The following INTU variants were observed in gnomAD, a reference collection of about 807,000 sequenced individuals.
The protein encoded by INTU is inturned planar cell polarity protein, also known as protein inturned.
In INTU, 68 loss-of-function variants were observed where a neutral mutation model predicts 100.5. That is an observed-to-expected ratio of 0.68 (90% CI 0.56 to 0.83). INTU has a LOEUF of 0.83. Among genes scored for constraint, INTU ranks in the 40% least tolerant of loss-of-function variants. The pLI is 0.00. For synonymous variants in INTU, 357 were observed against 395.7 expected (o/e 0.90, Z 1.16); for missense variants, 1,071 against 1,114.7 (o/e 0.96, Z 0.56).
intron 15 of INTU, among the ~76,000 whole-genome samples, chr4:127,714,767 G>A (rs973194254): frequency 2.0e-5 from 3 of 151,930 alleles, no homozygotes. Flanking sequence ...AGCTTCATGA[G>A]GTCAGGAATT....
intron 2 of INTU, among the ~76,000 whole-genome samples, chr4:127,651,688 C>T (rs62334027): frequency 6.6e-6 from 1 of 151,878 alleles, no homozygotes; most frequent in East Asian, 1.9e-4. Flanking sequence ...CTTAGGATTG[C>T]CTTGGCGATG....
At chr4:127,666,698 T>C (rs921091407) in intron 4 of INTU, among the ~76,000 whole-genome samples, 1 of 152,190 alleles carries the variant, frequency 6.6e-6, no homozygotes. Flanking sequence ...GCTTCTTGCA[T>C]GTCAGCAATT....
rs192027406 is a variant in INTU, at chr4:127,695,359, G to A, written c.1450-4651G>A. Among the ~76,000 whole-genome samples, 466 of 152,170 alleles carry A rather than the reference G, an allele frequency of 3.1e-3. 1 individual carries two copies. The highest frequency in any genetic ancestry group is 4.1e-3 in the Non-Finnish European group (282 of 67,988). ...AGTGGCTTATGCCTGTAATCCCAGC[G>A]CTTTGGGAGGCTGAGATGGGTGGAT... On this transcript the variant is annotated intron_variant, in intron 8 of 15. Transcript: ENST00000335251.
rs370919286 is a variant in INTU at position 127,656,697 on chromosome 4, G to A, written c.744G>A (p.Leu248=). The A allele has an allele frequency of 1.2e-6, 2 of 1,609,706 alleles. No individual in the cohort carries two copies. Among genetic ancestry groups the A allele is most frequent in the South Asian group, 2.2e-5 (2 of 90,644 alleles). ...CTACTGAAAACATCGAGAGAGTTCT[G>A]TCTTGCATTCCTGGACCTATGCAGG... is the stretch of plus-strand genomic sequence containing the variant. ...DVTTENIERV[L]SCIPGPMQVK... Residue 248 remains leucine, a synonymous_variant, in exon 3 of 16, where the codon CTG becomes CTA. Transcript: ENST00000335251.
intron 2 of INTU, among the ~76,000 whole-genome samples, chr4:127,655,266 G>A (rs1273950146): frequency 6.6e-6 from 1 of 152,184 alleles, no homozygotes; most frequent in Non-Finnish European, 1.5e-5. Context: ...TTGCTGGTGA[G>A]GAACTGCGTT....
At chr4:127,698,848 T>C (rs1051170865) in intron 8 of INTU, among the ~76,000 whole-genome samples, 5 of 152,168 alleles carry the variant, frequency 3.3e-5, no homozygotes, top group Admixed American at 1.3e-4. Context: ...ATACCACAAA[T>C]TGGTAATTTT....
intron 1 of INTU, among the ~76,000 whole-genome samples, chr4:127,641,623 T>C (rs1727338846): frequency 6.6e-6 from 1 of 152,104 alleles, no homozygotes; most frequent in South Asian, 2.1e-4. Context: ...CTTTCCTGTA[T>C]GGCTAAGCTG....
chr4:127,633,432 A>T (rs765800977), intron 1 of INTU, among the ~76,000 whole-genome samples: 4 of 151,988 alleles, frequency 2.6e-5, no homozygotes, highest in Non-Finnish European at 5.9e-5. Context: ...GATGAGGAGA[A>T]TCTCCTCTTT....
rs1450928745 is a variant in INTU at position 127,704,408 on chromosome 4, A to G, written c.1566+118A>G. ...CTTTTCTTTCAAATGTAGGTACCATAAGATTAAGAGCTTTCTCATTTTAGA... is the reference window on the plus strand; with the variant it reads ...CTTTTCTTTCAAATGTAGGTACCATGAGATTAAGAGCTTTCTCATTTTAGA... On this transcript the variant is annotated intron_variant, in intron 10 of 15. Transcript: ENST00000335251. The G allele has an allele frequency of 3.9e-6, 3 of 776,330 alleles. No homozygotes were observed. In the African/African-American group the frequency reaches 5.3e-5, roughly 14 times the overall value. The allele number at this position is 776,330 out of a possible 1,614,324, so 48.1% of individuals were successfully genotyped here.
At chr4:127,677,814 G>A (rs1177560862) in intron 6 of INTU, among the ~76,000 whole-genome samples, 2 of 152,124 alleles carry the variant, frequency 1.3e-5, no homozygotes, top group Admixed American at 1.3e-4. Flanking sequence ...AGCTACAGGA[G>A]GAAATTCAAA....
At chr4:127,682,990 T>C (rs1459036814) in intron 6 of INTU, among the ~76,000 whole-genome samples, 1 of 152,154 alleles carries the variant, frequency 6.6e-6, no homozygotes, top group Admixed American at 6.6e-5. Flanking sequence ...GAGCAAAGGC[T>C]GTTCAACCAC....
At position 127,704,246 on chromosome 4, in the gene INTU, A is replaced by T; in HGVS notation, c.1522A>T (p.Met508Leu). 6.2e-7 allele frequency: 1 copy of T among 1,610,372 alleles called. No individual in the cohort carries two copies. Among genetic ancestry groups the T allele is most frequent in the East Asian group, 2.2e-5 (1 of 44,844 alleles). The change falls in exon 10 of 16, where the codon ATG (methionine) becomes TTG (leucine). Residue 508 changes from methionine (M) to leucine (L), a missense_variant. Transcript: ENST00000335251. ...FAELSEDYYD[M>L]RRLYTILGSS... ...CCCCCAGTCCGAGGATTACTATGAC[A>T]TGAGGCGGCTGTATACAATTTTGGG... is the stretch of plus-strand genomic sequence containing the variant.
At chr4:127,664,078 T>C (rs977204790) in intron 4 of INTU, among the ~76,000 whole-genome samples, 6 of 152,112 alleles carry the variant, frequency 3.9e-5, no homozygotes, top group Admixed American at 6.6e-5. Flanking sequence ...CTGCTATTAA[T>C]AGCTTTTAAT....
chr4:127,707,084 T>C (rs1004949280), intron 12 of INTU, 115 bp downstream of exon 12: 17 of 1,216,218 alleles, frequency 1.4e-5, no homozygotes, highest in Non-Finnish European at 1.6e-5. Context: ...GACATGGTGG[T>C]TATTTCAGTC....
At chr4:127,665,276 T>C (rs924473643) in intron 4 of INTU, among the ~76,000 whole-genome samples, 1 of 149,898 alleles carries the variant, frequency 6.7e-6, no homozygotes, top group Admixed American at 6.7e-5. Context: ...TGCATATATT[T>C]ATATGTTTGT....
intron 14 of INTU, 129 bp downstream of exon 14, chr4:127,711,231 A>G: frequency 1.6e-6 from 1 of 628,370 alleles, no homozygotes; most frequent in Non-Finnish European, 2.5e-6. Flanking sequence ...CACTTAATCT[A>G]ACGTGGGTGC....
At chr4:127,705,087 C>CA (rs549039722) in intron 10 of INTU, among the ~76,000 whole-genome samples, 1,584 of 125,226 alleles carry the variant, frequency 0.013, 17 homozygotes, top group African/African-American at 0.026. Context: ...GACTCTGTCT[C>CA]AAAAAAAAAA....
Position 127,698,316 on chromosome 4 carries a change from G to A in INTU, c.1450-1694G>A, listed in dbSNP as rs563831546. On this transcript the variant is annotated intron_variant, in intron 8 of 15. Coordinates refer to ENST00000335251, the MANE Select transcript of INTU (RefSeq NM_015693.4). ...TCTCTACTAAAAATACAAAAAATTA[G>A]GCAGGCGTGGTGGCGGGCGCCTGTA... 1.3e-3 allele frequency among the ~76,000 whole-genome samples: 193 copies of A among 152,024 alleles called. 1 individual carries two copies. Among genetic ancestry groups the A allele is most frequent in the African/African-American group, 4.4e-3 (184 of 41,460 alleles).
intron 14 of INTU, among the ~76,000 whole-genome samples, chr4:127,712,232 C>T (rs1731120615): frequency 6.6e-6 from 1 of 152,176 alleles, no homozygotes. Flanking sequence ...TACATCATCT[C>T]TCCAGGTTCA....
Sources: allele counts gnomAD v4.1 joint callset (sites outside exome capture counted in the v4.1 genomes callset), GRCh38; gene constraint gnomAD v4.1.1; transcripts MANE v1.5; gene names NCBI Gene and HGNC (gene_info 2026-07-23, HGNC 2026-07-21).